The following EIF3H variants were observed in gnomAD, a reference collection of about 807,000 sequenced individuals.
EIF3H encodes eukaryotic translation initiation factor 3 subunit H.
In EIF3H, 26 loss-of-function variants were observed where a neutral mutation model predicts 44.2. The observed-to-expected ratio is 0.59, with a 90% CI of 0.43 to 0.82. EIF3H has a LOEUF of 0.82. Among genes scored for constraint, EIF3H ranks in the 40% least tolerant of loss-of-function variants. The pLI, the probability that EIF3H is intolerant of heterozygous loss-of-function variation, is 0.00. For synonymous variants in EIF3H, 166 were observed against 151.9 expected (o/e 1.09, Z -0.68); for missense variants, 359 against 432.8 (o/e 0.83, Z 1.51).
At chr8:116,648,177 A>G (rs980151838) in intron 6 of EIF3H, among the ~76,000 whole-genome samples, 1 of 152,206 alleles carries the variant, frequency 6.6e-6, no homozygotes, top group Non-Finnish European at 1.5e-5. Flanking sequence ...GGAATCAACT[A>G]ATCTATGAAT....
chr8:116,720,737 G>A (rs1340501090), intron 2 of EIF3H, among the ~76,000 whole-genome samples: 3 of 152,108 alleles, frequency 2.0e-5, no homozygotes, highest in East Asian at 3.9e-4. Flanking sequence ...GATCTCAGAG[G>A]AACTTGTTGG....
chr8:116,726,671 C>G (rs1243327054), intron 1 of EIF3H, among the ~76,000 whole-genome samples: 1 of 152,168 alleles, frequency 6.6e-6, no homozygotes, highest in Non-Finnish European at 1.5e-5. Context: ...GATGCAACAA[C>G]GGGAACACGT....
chr8:116,755,627 G>A lies in EIF3H; in HGVS notation c.132+39C>T, dbSNP rs148980982. The stretch of plus-strand genomic sequence containing the variant: ...CTGGTGGGACGGGGCTGGGAACTGC[G>A]CTCCCCACGTGGGCCAGAGGAAAAA... On this transcript the variant is annotated intron_variant, in intron 1 of 7. Transcript: ENST00000521861. 167 of 1,612,126 alleles carry A rather than the reference G, an allele frequency of 1.0e-4. 2 individuals carry two copies. In the East Asian group the frequency reaches 3.5e-3, roughly 34 times the overall value.
intron 1 of EIF3H, among the ~76,000 whole-genome samples, chr8:116,762,993 G>C (rs546333481): frequency 6.6e-6 from 1 of 152,254 alleles, no homozygotes; most frequent in African/African-American, 2.4e-5. Context: ...TTGCTTATCT[G>C]GGCACATTAC....
chr8:116,664,313 G>C (rs1448940247), intron 2 of EIF3H, among the ~76,000 whole-genome samples: 3 of 152,132 alleles, frequency 2.0e-5, no homozygotes, highest in Non-Finnish European at 4.4e-5. Context: ...GCTTTCTCTT[G>C]TTTTACTGTC....
intron 5 of EIF3H, among the ~76,000 whole-genome samples, chr8:116,651,584 G>C (rs144075785): frequency 5.3e-5 from 8 of 152,310 alleles, no homozygotes; most frequent in African/African-American, 1.9e-4. Flanking sequence ...CCTTGGTCCA[G>C]TAACATGGTC....
At chr8:116,678,984 G>C (rs1813909228) in intron 2 of EIF3H, among the ~76,000 whole-genome samples, 1 of 83,178 alleles carries the variant, frequency 1.2e-5, no homozygotes, top group South Asian at 5.1e-4. Flanking sequence ...CCGTCCAGGA[G>C]GGAGGTGGGG....
intron 2 of EIF3H, among the ~76,000 whole-genome samples, chr8:116,684,521 T>C (rs1316578746): frequency 1.3e-5 from 2 of 152,138 alleles, no homozygotes; most frequent in Non-Finnish European, 1.5e-5. Context: ...AGAAACAAGA[T>C]GATGCATTTC....
chr8:116,761,545 T>C (rs559720615), intron 1 of EIF3H, among the ~76,000 whole-genome samples: 2 of 152,266 alleles, frequency 1.3e-5, no homozygotes, highest in East Asian at 3.9e-4. Context: ...TACATACATC[T>C]GTTAGAGAAA....
intron 2 of EIF3H, among the ~76,000 whole-genome samples, chr8:116,662,551 T>A (rs1813601201): frequency 6.6e-6 from 1 of 152,206 alleles, no homozygotes; most frequent in South Asian, 2.1e-4. Flanking sequence ...CCACATGAAC[T>A]GCGTTATCTC....
intron 2 of EIF3H, among the ~76,000 whole-genome samples, chr8:116,715,368 TTTTA>T (rs1814645648): frequency 6.6e-6 from 1 of 152,162 alleles, no homozygotes; most frequent in Admixed American, 6.5e-5. Flanking sequence ...AAGCTATGTG[TTTTA>T]TTTATCACTA....
chr8:116,712,102 TGCC>T (rs1222279954), intron 2 of EIF3H, among the ~76,000 whole-genome samples: 4 of 152,212 alleles, frequency 2.6e-5, no homozygotes, highest in Admixed American at 2.0e-4. Flanking sequence ...GGACTGCTGC[TGCC>T]GCCGCCGCCG....
intron 1 of EIF3H, among the ~76,000 whole-genome samples, chr8:116,739,661 T>C (rs990815200): frequency 6.6e-5 from 10 of 152,048 alleles, no homozygotes; most frequent in African/African-American, 2.2e-4. Context: ...GAAAAATAAA[T>C]AAATCAATCA....
intron 2 of EIF3H, among the ~76,000 whole-genome samples, chr8:116,682,569 C>T (rs564665375): frequency 6.6e-6 from 1 of 152,270 alleles, no homozygotes; most frequent in South Asian, 2.1e-4. Context: ...TCTATATCAC[C>T]TTTCAAGAGG....
At chr8:116,729,755 A>G (rs1460195357) in intron 1 of EIF3H, among the ~76,000 whole-genome samples, 1 of 152,178 alleles carries the variant, frequency 6.6e-6, no homozygotes, top group Non-Finnish European at 1.5e-5. Context: ...ATTAATGCAA[A>G]TCTCTCTCTA....
chr8:116,713,520 A>C (rs1406433102), intron 2 of EIF3H, among the ~76,000 whole-genome samples: 1 of 152,162 alleles, frequency 6.6e-6, no homozygotes, highest in East Asian at 1.9e-4. Flanking sequence ...AAATGAAGCT[A>C]GACTTTGTTC....
chr8:116,732,951 T>TA (rs1814976936), intron 1 of EIF3H, among the ~76,000 whole-genome samples: 1 of 152,190 alleles, frequency 6.6e-6, no homozygotes. Context: ...TTCCTGGAGT[T>TA]AGTGTCAGAT....
chr8:116,682,017 A>T (rs1480832948), intron 2 of EIF3H, among the ~76,000 whole-genome samples: 2 of 152,236 alleles, frequency 1.3e-5, no homozygotes, highest in Non-Finnish European at 2.9e-5. Context: ...AGATGTTCCT[A>T]TGGAACTGCA....
At chr8:116,673,008 CAA>C (rs1200483863) in intron 2 of EIF3H, among the ~76,000 whole-genome samples, 3 of 103,898 alleles carry the variant, frequency 2.9e-5, no homozygotes, top group Admixed American at 1.0e-4. Flanking sequence ...AATAAAATTA[CAA>C]AAAAAAAAAA....
Sources: gnomAD v4.1 joint callset for allele counts (sites outside exome capture counted in the v4.1 genomes callset) on GRCh38, gnomAD v4.1.1 for gene constraint, MANE v1.5 for transcripts, NCBI Gene and HGNC (gene_info 2026-07-23, HGNC 2026-07-21) for gene names.